Variants in TYR observed in about 807,000 individuals in gnomAD.
TYR encodes the protein tyrosinase.
Under a neutral mutation model 51.5 loss-of-function variants are expected in TYR, and 58 were observed. The ratio of observed to expected loss-of-function variants is 1.13; its 90% CI spans 0.91 to 1.40. The LOEUF (loss-of-function observed/expected upper bound fraction) is 1.40. Among genes scored for constraint, TYR ranks in the 40% most tolerant of loss-of-function variants. The pLI is 0.00. For missense variants in TYR, 732 were observed against 647.4 expected (o/e 1.13, Z -1.42); for synonymous variants, 263 against 235.2 (o/e 1.12, Z -1.08).
intron 3 of TYR, among the ~76,000 whole-genome samples, chr11:89,237,659 C>G (rs907199456): frequency 9.2e-5 from 14 of 151,982 alleles, no homozygotes; most frequent in African/African-American, 3.4e-4. Flanking sequence ...CTCAAGATTG[C>G]TTTGGCTATT....
At chr11:89,183,215 T>C (rs566674897) in intron 1 of TYR, among the ~76,000 whole-genome samples, 1 of 152,208 alleles carries the variant, frequency 6.6e-6, no homozygotes, top group East Asian at 1.9e-4. Flanking sequence ...CCTTCCTCAT[T>C]AATATATCTA....
chr11:89,245,117 G>T (rs1590875250), intron 3 of TYR, among the ~76,000 whole-genome samples: 1 of 152,302 alleles, frequency 6.6e-6, no homozygotes, highest in East Asian at 1.9e-4. Flanking sequence ...GTTCTGTGAA[G>T]AATGAGTAGA....
intron 4 of TYR, among the ~76,000 whole-genome samples, chr11:89,289,056 G>A (rs935775261): frequency 2.6e-5 from 4 of 151,972 alleles, no homozygotes; most frequent in African/African-American, 9.7e-5. Flanking sequence ...AGAAAATTGA[G>A]TAGCAGGTGA....
At chr11:89,282,062 T>C (rs1327455719) in intron 3 of TYR, among the ~76,000 whole-genome samples, 1 of 151,858 alleles carries the variant, frequency 6.6e-6, no homozygotes, top group African/African-American at 2.4e-5. Flanking sequence ...TAATCAAGAT[T>C]AATACCTTCA....
At chr11:89,275,954 G>A (rs1018948093) in intron 3 of TYR, among the ~76,000 whole-genome samples, 9 of 151,840 alleles carry the variant, frequency 5.9e-5, no homozygotes, top group African/African-American at 2.2e-4. Flanking sequence ...TTCAGCTAAA[G>A]TTGATTTAAC....
At chr11:89,193,858 A>G (rs1565393029) in intron 2 of TYR, among the ~76,000 whole-genome samples, 1 of 129,536 alleles carries the variant, frequency 7.7e-6, no homozygotes, top group Admixed American at 7.3e-5. Context: ...ACTTACTTAC[A>G]TTGTATCCTG....
At chr11:89,235,648 C>T (rs890949574) in intron 3 of TYR, among the ~76,000 whole-genome samples, 2 of 152,042 alleles carry the variant, frequency 1.3e-5, no homozygotes, top group East Asian at 1.9e-4. Context: ...GAAATAGAAT[C>T]GTAGTATCAC....
chr11:89,197,691 G>A (rs760704339), intron 2 of TYR, among the ~76,000 whole-genome samples: 5 of 151,934 alleles, frequency 3.3e-5, no homozygotes, highest in Admixed American at 1.3e-4. Context: ...TGAGAATGAG[G>A]ATGAAGATGA....
intron 1 of TYR, among the ~76,000 whole-genome samples, chr11:89,181,579 C>G (rs1185560885): frequency 6.6e-6 from 1 of 152,136 alleles, no homozygotes; most frequent in African/African-American, 2.4e-5. Flanking sequence ...GCTGATGCAC[C>G]TTTCACATAA....
chr11:89,289,290 C>A (rs979634856), intron 4 of TYR, among the ~76,000 whole-genome samples: 9 of 152,018 alleles, frequency 5.9e-5, no homozygotes. Flanking sequence ...CCCATTCTGC[C>A]AATGGAATTT....
At chr11:89,190,304 C>T (rs1943425895) in intron 1 of TYR, among the ~76,000 whole-genome samples, 1 of 152,030 alleles carries the variant, frequency 6.6e-6, no homozygotes, top group South Asian at 2.1e-4. Flanking sequence ...GTACTATTGC[C>T]CCTGAAGATT....
At chr11:89,260,857 G>T (rs1944448551) in intron 3 of TYR, among the ~76,000 whole-genome samples, 2 of 152,120 alleles carry the variant, frequency 1.3e-5, no homozygotes, top group South Asian at 4.1e-4. Context: ...CTTGTCTGTG[G>T]CCTGTTAAGA....
intron 3 of TYR, among the ~76,000 whole-genome samples, chr11:89,272,593 G>A (rs1944601954): frequency 1.3e-5 from 2 of 151,878 alleles, no homozygotes; most frequent in Admixed American, 6.6e-5. Flanking sequence ...AAACTAACCA[G>A]CTGCATTAGC....
chr11:89,215,525 T>TAATAA (rs148271676), intron 2 of TYR, among the ~76,000 whole-genome samples: 35,779 of 151,560 alleles, frequency 0.24, 6,561 homozygotes, highest in African/African-American at 0.52. Flanking sequence ...ATAATAATAG[T>TAATAA]AATAAAATAA....
At chr11:89,247,316 T>A (rs1944279403) in intron 3 of TYR, among the ~76,000 whole-genome samples, 1 of 152,184 alleles carries the variant, frequency 6.6e-6, no homozygotes, top group African/African-American at 2.4e-5. Flanking sequence ...ATTACATACT[T>A]ATTAGACTAA....
At chr11:89,267,281 G>A (rs551317028) in intron 3 of TYR, among the ~76,000 whole-genome samples, 1 of 152,032 alleles carries the variant, frequency 6.6e-6, no homozygotes, top group South Asian at 2.1e-4. Flanking sequence ...TTATTACCTT[G>A]AATAATGACT....
At chr11:89,205,238 A>G (rs537626455) in intron 2 of TYR, among the ~76,000 whole-genome samples, 1 of 152,262 alleles carries the variant, frequency 6.6e-6, no homozygotes, top group South Asian at 2.1e-4. Flanking sequence ...ACACTGGAAA[A>G]AAAATTAAAA....
chr11:89,280,188 C>T (rs1258637786), intron 3 of TYR, among the ~76,000 whole-genome samples: 1 of 151,518 alleles, frequency 6.6e-6, no homozygotes, highest in Non-Finnish European at 1.5e-5. Flanking sequence ...ATATTTCTTA[C>T]CCCAGCCCTA....
intron 3 of TYR, among the ~76,000 whole-genome samples, chr11:89,248,856 C>T (rs193223608): frequency 3.3e-5 from 5 of 152,044 alleles, no homozygotes; most frequent in Admixed American, 1.3e-4. Context: ...AACAGAAAAC[C>T]GAACCTTATG....
Sources: gnomAD v4.1 joint callset for allele counts (sites outside exome capture counted in the v4.1 genomes callset) on GRCh38, gnomAD v4.1.1 for gene constraint, MANE v1.5 for transcripts, NCBI Gene and HGNC (gene_info 2026-07-23, HGNC 2026-07-21) for gene names.